Variants in TEX2 observed in about 807,000 individuals in gnomAD.
TEX2 encodes the protein testis-expressed protein 2.
In TEX2, 53 loss-of-function variants were observed where a neutral mutation model predicts 106.9. The observed-to-expected ratio is 0.50, with a 90% CI of 0.40 to 0.62. The LOEUF is 0.62. Ranked by LOEUF, TEX2 falls within the 20% of genes least tolerant of loss-of-function variation. The pLI is 0.00. For missense variants in TEX2, 1,207 were observed against 1,379.0 expected (o/e 0.88, Z 1.98); for synonymous variants, 523 against 534.8 (o/e 0.98, Z 0.30).
intron 1 of TEX2, among the ~76,000 whole-genome samples, chr17:64,215,347 C>G (rs529013826): frequency 6.6e-6 from 1 of 152,168 alleles, no homozygotes; most frequent in Non-Finnish European, 1.5e-5. Flanking sequence ...GGACATCCAA[C>G]GGGTCTTTGG....
intron 1 of TEX2, among the ~76,000 whole-genome samples, chr17:64,238,947 T>TA (rs537262407): frequency 1.9e-4 from 29 of 151,974 alleles, no homozygotes; most frequent in Non-Finnish European, 3.2e-4. Flanking sequence ...GAGATAACTG[T>TA]AAAAAAAAGG....
At chr17:64,203,536 G>T (rs991178121) in intron 2 of TEX2, among the ~76,000 whole-genome samples, 1 of 152,122 alleles carries the variant, frequency 6.6e-6, no homozygotes, top group Non-Finnish European at 1.5e-5. Flanking sequence ...ATCAGTATCA[G>T]AAACACAGCA....
chr17:64,222,398 A>AT (rs2033381848), intron 1 of TEX2, among the ~76,000 whole-genome samples: 3 of 151,810 alleles, frequency 2.0e-5, no homozygotes, highest in Admixed American at 6.6e-5. Flanking sequence ...GGCACCTGTA[A>AT]TCCCAGTTAC....
At chr17:64,194,241 A>T (rs540239961) in intron 3 of TEX2, among the ~76,000 whole-genome samples, 10 of 151,806 alleles carry the variant, frequency 6.6e-5, no homozygotes, top group South Asian at 2.1e-4. Context: ...AAGTTGGAAG[A>T]AAAAAAAAGA....
rs2032384287 is a variant in TEX2, at chr17:64,193,963, A to G, written c.1846-74T>C. On this transcript the variant is annotated intron_variant, in intron 3 of 11. Coordinates refer to ENST00000584379, the MANE Select transcript of TEX2 (RefSeq NM_001288732.2). ...TATGCATTAATATTATGCATAGCACAAAGTGCAAACCTTATAGACTTTTTG... is the reference window on the plus strand; with the variant it reads ...TATGCATTAATATTATGCATAGCACGAAGTGCAAACCTTATAGACTTTTTG... 1.2e-5 allele frequency: 13 copies of G among 1,107,990 alleles called. No individual in the cohort carries two copies. The East Asian group carries it at 3.2e-4, about 28-fold the overall frequency. 68.6% of individuals were successfully genotyped at this position (1,107,990 alleles called of 1,614,324 possible).
At chr17:64,260,577 C>A (rs1555638408) in intron 1 of TEX2, among the ~76,000 whole-genome samples, 1 of 152,208 alleles carries the variant, frequency 6.6e-6, no homozygotes, top group East Asian at 1.9e-4. Context: ...GCCTCGGTTT[C>A]CTCTTCTGTA....
At chr17:64,253,705 G>T (rs2034134755) in intron 1 of TEX2, among the ~76,000 whole-genome samples, 3 of 152,124 alleles carry the variant, frequency 2.0e-5, no homozygotes, top group Admixed American at 2.0e-4. Context: ...CGAAAGGAGG[G>T]AGGTCGAGCT....
At chr17:64,220,614 CT>C (rs2143185758) in intron 1 of TEX2, among the ~76,000 whole-genome samples, 1 of 152,262 alleles carries the variant, frequency 6.6e-6, no homozygotes, top group African/African-American at 2.4e-5. Flanking sequence ...CTAAATATCA[CT>C]GATCATTAGA....
intron 5 of TEX2, among the ~76,000 whole-genome samples, chr17:64,179,868 C>G (rs551726100): frequency 1.3e-5 from 2 of 152,168 alleles, no homozygotes; most frequent in Non-Finnish European, 2.9e-5. Context: ...ATTATTCTCT[C>G]TGGGCTTTTC....
chr17:64,247,383 T>C (rs1448430974), intron 1 of TEX2, among the ~76,000 whole-genome samples: 12 of 152,138 alleles, frequency 7.9e-5, no homozygotes, highest in Non-Finnish European at 1.3e-4. Flanking sequence ...GAAAATTCAG[T>C]AGGGTTCTGG....
At chr17:64,206,234 C>A (rs2032824880) in intron 2 of TEX2, among the ~76,000 whole-genome samples, 1 of 152,206 alleles carries the variant, frequency 6.6e-6, no homozygotes, top group Admixed American at 6.5e-5. Context: ...CTGAAGGCTA[C>A]CACACAGGGG....
intron 1 of TEX2, chr17:64,256,083 AT>A (rs1305411561): frequency 6.6e-6 from 1 of 152,124 alleles, no homozygotes; most frequent in Non-Finnish European, 1.5e-5. Flanking sequence ...GTCCAACATA[AT>A]CTACCTTAGA....
At position 64,195,635 on chromosome 17, in the gene TEX2, A is replaced by T. The variant is rs2032443377; in HGVS notation, c.1645-540T>A. Among the ~76,000 whole-genome samples the T allele has an allele frequency of 6.6e-6, 1 of 152,252 alleles. No homozygotes were observed. Among genetic ancestry groups the T allele is most frequent in the Non-Finnish European group, 1.5e-5 (1 of 68,048 alleles). ...TAAAGCAGATGATTGAGAATTAGGC[A>T]TTAAATACATCGTAAATATAATCAA... On this transcript the variant is annotated intron_variant, in intron 2 of 11. Transcript: ENST00000584379. This position sits in a 1 kb window ranked among gnomAD's most constrained non-coding sequence, Gnocchi z 4.1.
chr17:64,261,769 A>C (rs1598241244), intron 1 of TEX2, among the ~76,000 whole-genome samples: 2 of 152,252 alleles, frequency 1.3e-5, no homozygotes, highest in African/African-American at 4.8e-5. Context: ...CACTCTATCC[A>C]CATCACCTCA....
chr17:64,195,169 G>A lies in TEX2; in HGVS notation c.1645-74C>T. On this transcript the variant is annotated intron_variant, in intron 2 of 11. Transcript: ENST00000584379. This position sits in a 1 kb window ranked among gnomAD's most constrained non-coding sequence, Gnocchi z 4.1. ...GATTTAGTGTGAAATGATGAACACT[G>A]TGGTATTTGGGACACTGAAACCAAA... The A allele has an allele frequency of 7.1e-7, 1 of 1,409,270 alleles. No individual in the cohort carries two copies. Among genetic ancestry groups the A allele is most frequent in the East Asian group, 2.4e-5 (1 of 42,104 alleles). 87.3% of individuals were successfully genotyped at this position (1,409,270 alleles called of 1,614,324 possible).
rs2032049636 is a variant in TEX2 at position 64,185,733 on chromosome 17, G to A, written c.2424+2435C>T. ...AGGTCAGGAGTTCAAGACCAGCCTG[G>A]CCAACATTGTGAAACTCCGTCTCTA... is the stretch of plus-strand genomic sequence containing the variant. On this transcript the variant is annotated intron_variant, in intron 5 of 11. Coordinates refer to ENST00000584379, the MANE Select transcript of TEX2 (RefSeq NM_001288732.2). The surrounding 1 kb of genome is among the most constrained non-coding windows in gnomAD (Gnocchi z 4.0). Among the ~76,000 whole-genome samples the A allele has an allele frequency of 1.3e-5, 2 of 152,174 alleles. No individual in the cohort carries two copies. The highest frequency in any genetic ancestry group is 6.5e-5 in the Admixed American group (1 of 15,274).
At chr17:64,242,116 A>G (rs1240086872) in intron 1 of TEX2, 1 of 152,270 alleles carries the variant, frequency 6.6e-6, no homozygotes, top group Non-Finnish European at 1.5e-5. Context: ...ATACCTAAGT[A>G]ACCTATTTAT....
At chr17:64,173,975 A>C (rs961899538) in intron 6 of TEX2, among the ~76,000 whole-genome samples, 1 of 152,074 alleles carries the variant, frequency 6.6e-6, no homozygotes, top group Non-Finnish European at 1.5e-5. Context: ...CCTTCTGAGT[A>C]GCTGGGACTA....
chr17:64,198,452 C>T (rs527829879), intron 2 of TEX2, among the ~76,000 whole-genome samples: 5 of 151,570 alleles, frequency 3.3e-5, no homozygotes, highest in South Asian at 4.2e-4. Context: ...CCATGAAGGG[C>T]GGGGGGAAGT....
Sources: allele counts gnomAD v4.1 joint callset (sites outside exome capture counted in the v4.1 genomes callset), GRCh38; gene constraint gnomAD v4.1.1; non-coding constraint Gnocchi (gnomAD v3.1); transcripts MANE v1.5; gene names NCBI Gene and HGNC (gene_info 2026-07-23, HGNC 2026-07-21).